Variants in TRIM37 observed in about 807,000 individuals in gnomAD.
TRIM37 encodes E3 ubiquitin-protein ligase TRIM37.
Under a neutral mutation model 129.8 loss-of-function variants are expected in TRIM37, and 80 were observed. That is an observed-to-expected ratio of 0.62 (90% CI 0.51 to 0.74). TRIM37 has a LOEUF of 0.74. Ranked by LOEUF, TRIM37 falls within the 30% of genes least tolerant of loss-of-function variation. The pLI is 0.00. For missense variants in TRIM37, 1,054 were observed against 1,176.5 expected, an observed-to-expected ratio of 0.90 and a Z score of 1.52; for synonymous variants, 389 against 387.1, an observed-to-expected ratio of 1.00 and a Z score of -0.06.
chr17:59,007,849 C>T (rs558710520), intron 22 of TRIM37, among the ~76,000 whole-genome samples: 346 of 152,290 alleles, frequency 2.3e-3, no homozygotes, highest in South Asian at 5.2e-3. Context: ...CCACAAACAA[C>T]GCCTTAAAGT....
At chr17:58,972,768 G>A in the TRIM37 span, 1 of 1,394,478 alleles carries the variant, frequency 7.2e-7, no homozygotes, top group Non-Finnish European at 1.0e-6. Context: ...GTTGTTTACT[G>A]TTAAAGTAAA....
chr17:59,067,746 G>A (rs759346030), intron 9 of TRIM37, among the ~76,000 whole-genome samples: 61 of 144,336 alleles, frequency 4.2e-4, no homozygotes, highest in Non-Finnish European at 7.9e-4. Flanking sequence ...ATGTTGGTCA[G>A]ACTGCTCTGG....
At chr17:59,057,872 TC>T (rs2041110380) in intron 12 of TRIM37, among the ~76,000 whole-genome samples, 1 of 152,068 alleles carries the variant, frequency 6.6e-6, no homozygotes, top group Non-Finnish European at 1.5e-5. Flanking sequence ...TGGCAATAGG[TC>T]CTTTTTTCCT....
downstream of TRIM37, chr17:58,980,025 C>A (rs1161563489): frequency 6.2e-7 from 1 of 1,614,130 alleles, no homozygotes; most frequent in Non-Finnish European, 8.5e-7. The surrounding 1 kb of genome is among the most constrained non-coding windows in gnomAD (Gnocchi z 4.7). Context: ...TCTGCCTCCA[C>A]TGTTCTGGAT....
rs1292881376 is a variant in TRIM37 at position 58,999,351 on chromosome 17, G to A, written c.*26C>T. The A allele has an allele frequency of 6.2e-7, 1 of 1,613,592 alleles. No homozygotes were observed. The highest frequency in any genetic ancestry group is 1.3e-5 in the African/African-American group (1 of 74,878). On this transcript the variant is annotated 3_prime_UTR_variant, in exon 24 of 24. Coordinates refer to ENST00000262294, the MANE Select transcript of TRIM37 (RefSeq NM_015294.6). ...GCAAAATTCAGGGTCAAGGTAGCTT[G>A]CAAGTCAGTTCTCTTGATTTGGCAA...
At chr17:58,975,010 AATTATT>A in the TRIM37 span, among the ~76,000 whole-genome samples, 3 of 151,998 alleles carry the variant, frequency 2.0e-5, no homozygotes, top group Non-Finnish European at 2.9e-5. Context: ...CCTTATATGG[AATTATT>A]ATTATTATTA....
intron 7 of TRIM37, among the ~76,000 whole-genome samples, chr17:59,077,063 C>T (rs2042870769): frequency 6.6e-6 from 1 of 152,116 alleles, no homozygotes; most frequent in South Asian, 2.1e-4. Flanking sequence ...GCTGGGATTA[C>T]AGGCATGAGC....
intron 10 of TRIM37, 88 bp downstream of exon 10, chr17:59,064,267 C>A: frequency 1.0e-6 from 1 of 968,738 alleles, no homozygotes; most frequent in South Asian, 1.5e-5. Context: ...TGACACAGTT[C>A]ACTAGATTAC....
At chr17:59,053,055 T>C (rs1456676793) in intron 13 of TRIM37, among the ~76,000 whole-genome samples, 1 of 152,208 alleles carries the variant, frequency 6.6e-6, no homozygotes, top group Non-Finnish European at 1.5e-5. Flanking sequence ...TTCACTCAAC[T>C]GAGCAGAGAC....
chr17:59,085,616 A>G lies in TRIM37; in HGVS notation c.282-1527T>C, dbSNP rs140479173. 1.3e-3 allele frequency among the ~76,000 whole-genome samples: 194 copies of G among 152,330 alleles called. 2 individuals carry two copies. The Middle Eastern group carries it at 0.017, about 13-fold the overall frequency. ...GGGACTGTAAAATGGTACAGTCACT[A>G]TGGAAAACAGTATGGAGATTCCTCA... is the stretch of plus-strand genomic sequence containing the variant. On this transcript the variant is annotated intron_variant, in intron 4 of 23. Coordinates refer to ENST00000262294, the MANE Select transcript of TRIM37 (RefSeq NM_015294.6).
intron 6 of TRIM37, among the ~76,000 whole-genome samples, chr17:59,080,690 G>A (rs1568194416): frequency 6.6e-6 from 1 of 152,166 alleles, no homozygotes; most frequent in South Asian, 2.1e-4. Flanking sequence ...ACTTGGGAGG[G>A]TGAGGCAAAA....
At position 59,106,779 on chromosome 17, in the gene TRIM37, T is replaced by A; in HGVS notation, c.-318A>T. 1.8e-6 allele frequency: 1 copy of A among 546,692 alleles called. No homozygotes were observed. The highest frequency in any genetic ancestry group is 2.1e-5 in the South Asian group (1 of 46,826). The allele number at this position is 546,692 out of a possible 1,614,324, so 33.9% of individuals were successfully genotyped here. ...GGCCCACGTGACGCGGGCGCGCGCC[T>A]ATGGAACTGACGGTGGAGTTCAGCG... On this transcript the variant is annotated 5_prime_UTR_variant, in exon 1 of 24. Coordinates refer to ENST00000262294, the MANE Select transcript of TRIM37 (RefSeq NM_015294.6).
At position 59,081,134 on chromosome 17, in the gene TRIM37, C is replaced by T. The variant is rs749287299; in HGVS notation, c.455G>A (p.Arg152Gln). 14 of 1,613,572 alleles carry T rather than the reference C, an allele frequency of 8.7e-6. No individual in the cohort carries two copies. The highest frequency in any genetic ancestry group is 5.5e-5 in the South Asian group (5 of 91,066). ...TAAGCTGATCAGTTCCATGAGACGC[C>T]GACGAAGTTTGGCTACCTCTTCATT... ...KVNEEVAKLR[R>Q]RLMELISLVQ... Residue 152 changes from arginine (R) to glutamine (Q), a missense_variant, in exon 6 of 24, where the codon CGG becomes CAG. Arg to Gln is a conservative substitution (Grantham distance 43). Coordinates refer to ENST00000262294, the MANE Select transcript of TRIM37 (RefSeq NM_015294.6).
intron 9 of TRIM37, among the ~76,000 whole-genome samples, chr17:59,069,643 CA>C (rs1417308771): frequency 1.3e-5 from 2 of 152,102 alleles, no homozygotes; most frequent in East Asian, 1.9e-4. Context: ...TTTAAAAGAA[CA>C]AACTGAAAAT....
chr17:59,026,650 C>G (rs1224416032), intron 19 of TRIM37, among the ~76,000 whole-genome samples: 1 of 152,134 alleles, frequency 6.6e-6, no homozygotes, highest in Non-Finnish European at 1.5e-5. Flanking sequence ...ACACCCCTGC[C>G]AACAAGAAAC....
intron 8 of TRIM37, among the ~76,000 whole-genome samples, chr17:59,074,275 C>A (rs1191563664): frequency 6.6e-6 from 1 of 152,128 alleles, no homozygotes; most frequent in Non-Finnish European, 1.5e-5. Flanking sequence ...TAATTTGACA[C>A]ATGTTTGTAT....
intron 17 of TRIM37, among the ~76,000 whole-genome samples, chr17:59,036,485 C>T (rs983906836): frequency 4.0e-5 from 4 of 99,206 alleles, no homozygotes; most frequent in South Asian, 3.0e-4. Flanking sequence ...TGTGTGTGTG[C>T]ACGCGTGTGT....
chr17:59,104,837 A>C (rs549457560), intron 1 of TRIM37, among the ~76,000 whole-genome samples: 4 of 152,210 alleles, frequency 2.6e-5, no homozygotes, highest in African/African-American at 9.6e-5. Flanking sequence ...CATTACTGTA[A>C]TCCTAGCACT....
chr17:58,971,060 A>G, the TRIM37 span, among the ~76,000 whole-genome samples: 1 of 151,952 alleles, frequency 6.6e-6, no homozygotes, highest in East Asian at 1.9e-4. Flanking sequence ...GTTCTGAATA[A>G]TTTAGGTTTG....
Sources: allele counts gnomAD v4.1 joint callset (sites outside exome capture counted in the v4.1 genomes callset), GRCh38; gene constraint gnomAD v4.1.1; non-coding constraint Gnocchi (gnomAD v3.1); transcripts MANE v1.5; gene names NCBI Gene and HGNC (gene_info 2026-07-23, HGNC 2026-07-21).